KIAA1755: variants seen among roughly 807,000 people sequenced by gnomAD.
The protein encoded by KIAA1755 is KIAA1755.
A neutral mutation model predicts 91.7 loss-of-function variants in KIAA1755; 68 were observed. The observed-to-expected ratio is 0.74, with a 90% CI of 0.61 to 0.91. The LOEUF (loss-of-function observed/expected upper bound fraction) is 0.91. Ranked by LOEUF, KIAA1755 falls within the 40% of genes least tolerant of loss-of-function variation. The pLI is 0.00. For missense variants in KIAA1755, 1,535 were observed against 1,494.4 expected (o/e 1.03, Z -0.45); for synonymous variants, 610 against 604.6 (o/e 1.01, Z -0.13).
At chr20:38,243,074 C>A (rs965083283) in intron 2 of KIAA1755, among the ~76,000 whole-genome samples, 3 of 152,190 alleles carry the variant, frequency 2.0e-5, no homozygotes, top group Admixed American at 2.0e-4. Context: ...ACAACGGAAA[C>A]AACAGCTCCA....
Position 38,241,362 on chromosome 20 carries a change from C to G in KIAA1755, c.769G>C (p.Gly257Arg). Residue 257 changes from glycine (G) to arginine (R), a missense_variant, in exon 3 of 14, where the codon GGG (glycine) becomes CGG (arginine). Gly to Arg is a moderately radical substitution (Grantham distance 125). Coordinates refer to ENST00000279024, the MANE Select transcript of KIAA1755 (RefSeq NM_001029864.2). Reference protein sequence around the residue: ...GLIKVEQARCGEVAFRMDEVV... With the variant: ...GLIKVEQARCREVAFRMDEVV... ...TCGTCCATCCTGAAAGCCACCTCCC[C>G]ACACCGGGCTTGCTCCACCTTGATG... is the stretch of plus-strand genomic sequence containing the variant. 1.2e-6 allele frequency: 2 copies of G among 1,614,208 alleles called. No individual in the cohort carries two copies. Among genetic ancestry groups the G allele is most frequent in the Non-Finnish European group, 1.7e-6 (2 of 1,180,030 alleles).
At chr20:38,252,375 G>A (rs890163531) in intron 1 of KIAA1755, among the ~76,000 whole-genome samples, 16 of 152,184 alleles carry the variant, frequency 1.1e-4, no homozygotes, top group East Asian at 3.9e-4. Context: ...GTCTCCAGGC[G>A]GCTACTGTGC....
intron 5 of KIAA1755, 45 bp downstream of exon 5, chr20:38,231,157 G>T (rs749156180): frequency 1.3e-6 from 2 of 1,580,102 alleles, no homozygotes; most frequent in South Asian, 2.3e-5. Flanking sequence ...TGGGCCCAGA[G>T]GGTTGAGGTG....
In KIAA1755 at chr20:38,257,560, AAT is replaced by A. The variant is rs1213679935; in HGVS notation, c.3+2936_3+2937del. On this transcript the variant is annotated intron_variant, in intron 1 of 13. Transcript: ENST00000279024. ...AGTCCCACTGCACTACAGCCTGGGCAATAGAGCGAGACTCCATCTAAAAAAAA... is the reference window on the plus strand; with the variant it reads ...AGTCCCACTGCACTACAGCCTGGGCAAGAGCGAGACTCCATCTAAAAAAAA... Among the ~76,000 whole-genome samples, 3 of 150,276 alleles carry A rather than the reference AAT, an allele frequency of 2.0e-5. No individual in the cohort carries two copies. In the East Asian group the frequency reaches 5.9e-4, roughly 30 times the overall value.
In KIAA1755 at chr20:38,213,177, G is replaced by C. The variant is rs760620654; in HGVS notation, c.3468C>G (p.Thr1156=). The C allele has an allele frequency of 1.2e-6, 2 of 1,613,816 alleles. No homozygotes were observed. Among genetic ancestry groups the C allele is most frequent in the Non-Finnish European group, 1.7e-6 (2 of 1,179,996 alleles). The change falls in exon 14 of 14, where the codon ACC becomes ACG. Residue 1156 remains threonine, a synonymous_variant. Coordinates refer to ENST00000279024, the MANE Select transcript of KIAA1755 (RefSeq NM_001029864.2). ...PDPAREHLLA[T]TFFRQQPPRQ... ...TGGGGGGCTGCTGCCGGAAGAAGGTGGTGGCAAGCAAATGCTCGCGGGCAG... is the reference window on the plus strand; with the variant it reads ...TGGGGGGCTGCTGCCGGAAGAAGGTCGTGGCAAGCAAATGCTCGCGGGCAG...
chr20:38,214,981 C>T (rs184160936), intron 13 of KIAA1755, among the ~76,000 whole-genome samples: 1 of 152,290 alleles, frequency 6.6e-6, no homozygotes, highest in Non-Finnish European at 1.5e-5. Context: ...AGCTCATGGC[C>T]GGGAAAGAGC....
intron 3 of KIAA1755, 55 bp from the exon 4 acceptor site, chr20:38,239,780 AG>A: frequency 6.8e-7 from 1 of 1,467,794 alleles, no homozygotes; most frequent in Non-Finnish European, 9.4e-7. Context: ...GGGCTTTCTA[AG>A]GGGAAAACGT....
At chr20:38,256,493 A>G (rs962405311) in intron 1 of KIAA1755, among the ~76,000 whole-genome samples, 9 of 152,156 alleles carry the variant, frequency 5.9e-5, no homozygotes, top group African/African-American at 2.2e-4. Flanking sequence ...CTTTTTGTCA[A>G]TTCTTTTTCA....
intron 1 of KIAA1755, chr20:38,260,074 C>A: frequency 1.7e-6 from 1 of 605,556 alleles, no homozygotes; most frequent in Non-Finnish European, 2.4e-6. Flanking sequence ...CACTGCCTGG[C>A]TGGCCTGGGA....
intron 3 of KIAA1755, 58 bp from the exon 4 acceptor site, chr20:38,239,783 G>C: frequency 6.9e-7 from 1 of 1,439,806 alleles, no homozygotes. Context: ...CTTTCTAAGG[G>C]GAAAACGTCT....
intron 4 of KIAA1755, among the ~76,000 whole-genome samples, chr20:38,235,061 A>C (rs2075935491): frequency 6.6e-6 from 1 of 152,186 alleles, no homozygotes; most frequent in Non-Finnish European, 1.5e-5. Flanking sequence ...GAGTCACTCC[A>C]AGTTTGGGGA....
chr20:38,233,025 G>T (rs1225296574), intron 4 of KIAA1755, among the ~76,000 whole-genome samples: 2 of 152,104 alleles, frequency 1.3e-5, no homozygotes, highest in African/African-American at 4.8e-5. Flanking sequence ...AGGAGGCTGA[G>T]GTGGGAGAAT....
chr20:38,216,243 G>A (rs1396738640), intron 13 of KIAA1755, among the ~76,000 whole-genome samples: 1 of 152,222 alleles, frequency 6.6e-6, no homozygotes, highest in Non-Finnish European at 1.5e-5. Context: ...CCTGTATCGT[G>A]CTCTTAACTG....
chr20:38,218,094 G>C, intron 12 of KIAA1755, 150 bp downstream of exon 12: 1 of 928,012 alleles, frequency 1.1e-6, no homozygotes, highest in South Asian at 1.6e-5. Flanking sequence ...TAACATCTCA[G>C]CTGAACTCTG....
chr20:38,218,185 C>G, intron 12 of KIAA1755, 59 bp downstream of exon 12: 1 of 1,606,864 alleles, frequency 6.2e-7, no homozygotes, highest in Non-Finnish European at 8.5e-7. Flanking sequence ...GGCAGTGCCA[C>G]CCCCTCTAAC....
chr20:38,233,498 A>C (rs1426864836), intron 4 of KIAA1755: 3 of 152,180 alleles, frequency 2.0e-5, no homozygotes, highest in African/African-American at 7.2e-5. Context: ...GCTACATCAC[A>C]TACCTGGGTC....
Position 38,227,233 on chromosome 20 carries a change from A to G in KIAA1755, c.1973T>C (p.Val658Ala), listed in dbSNP as rs1225152357. The change falls in exon 7 of 14, where the codon GTC becomes GCC. Residue 658 changes from valine (V) to alanine (A), a missense_variant. Physicochemically the swap from Val to Ala is moderately conservative, Grantham distance 64. Coordinates refer to ENST00000279024, the MANE Select transcript of KIAA1755 (RefSeq NM_001029864.2). ...VSALQATQAQVPASIRAILFL... is the reference protein window; with the variant it reads ...VSALQATQAQAPASIRAILFL... ...GAGAATAGCCCGGATAGAGGCTGGG[A>G]CCTGAGCCTGTCAAAGACAACCACT... is the stretch of plus-strand genomic sequence containing the variant. 2 of 1,613,430 alleles carry G rather than the reference A, an allele frequency of 1.2e-6. No individual in the cohort carries two copies. Among genetic ancestry groups the G allele is most frequent in the South Asian group, 1.1e-5 (1 of 91,016 alleles).
In KIAA1755 at chr20:38,241,570, C is replaced by T; in HGVS notation, c.561G>A (p.Val187=). The change falls in exon 3 of 14, where the codon GTG becomes GTA. Residue 187 remains valine, a synonymous_variant. Coordinates refer to ENST00000279024, the MANE Select transcript of KIAA1755 (RefSeq NM_001029864.2). ...CATTCACTACTTGGGGTCTGTCATC[C>T]ACAAACTCTGGGCTGGTTATCTTGG... ...PWTKITSPEF[V]DDRPQVVNAL... The T allele has an allele frequency of 6.2e-7, 1 of 1,614,254 alleles. No homozygotes were observed. The highest frequency in any genetic ancestry group is 8.5e-7 in the Non-Finnish European group (1 of 1,180,042).
At position 38,249,794 on chromosome 20, in the gene KIAA1755, TC is replaced by T. The variant is rs989321772; in HGVS notation, c.4-3669del. Reference sequence around the variant, plus strand: ...CATCTGGCCCGGTGTCCTCTTCTAATCCCCCCCCAACCCCCACCAATCATGG... The same window carrying T: ...CATCTGGCCCGGTGTCCTCTTCTAATCCCCCCCAACCCCCACCAATCATGG... On this transcript the variant is annotated intron_variant, in intron 1 of 13. Coordinates refer to ENST00000279024, the MANE Select transcript of KIAA1755 (RefSeq NM_001029864.2). 1.8e-3 allele frequency among the ~76,000 whole-genome samples: 276 copies of T among 150,986 alleles called. 4 individuals are homozygous for T. The highest frequency in any genetic ancestry group is 3.9e-3 in the Admixed American group (59 of 15,176).
Sources: gnomAD v4.1 joint callset for allele counts (sites outside exome capture counted in the v4.1 genomes callset) on GRCh38, gnomAD v4.1.1 for gene constraint, MANE v1.5 for transcripts, NCBI Gene and HGNC (gene_info 2026-07-23, HGNC 2026-07-21) for gene names.